Variants in GMPR2 observed in about 807,000 individuals in gnomAD.
GMPR2 encodes guanosine monophosphate reductase 2.
GMPR2 carries 32 observed loss-of-function variants against 38.5 expected under a neutral mutation model. The ratio of observed to expected loss-of-function variants is 0.83; its 90% CI spans 0.63 to 1.12. The LOEUF (loss-of-function observed/expected upper bound fraction) is 1.12. Ranked by LOEUF, GMPR2 falls within the 50% of genes most tolerant of loss-of-function variation. GMPR2 has a pLI of 0.00. For synonymous variants in GMPR2, 154 were observed against 151.0 expected (o/e 1.02, Z -0.15); for missense variants, 396 against 432.1 (o/e 0.92, Z 0.74).
Position 24,236,119 on chromosome 14 carries a change from C to G in GMPR2, c.444C>G (p.Arg148=). The change falls in exon 5 of 10, where the codon CGC becomes CGG. Residue 148 remains arginine, a synonymous_variant. Coordinates refer to ENST00000399440, the MANE Select transcript of GMPR2 (RefSeq NM_001002002.3). ...FVEFVKDVRK[R]FPQHTIMAGN... ...AATTTGTAAAAGATGTACGGAAGCG[C>G]TTCCCCCAGCACACCATCATGGTAT... is the stretch of plus-strand genomic sequence containing the variant. 1 of 1,613,998 alleles carries G rather than the reference C, an allele frequency of 6.2e-7. No homozygotes were observed. Among genetic ancestry groups the G allele is most frequent in the Non-Finnish European group, 8.5e-7 (1 of 1,179,866 alleles).
intron 2 of GMPR2, 69 bp from the exon 3 acceptor site, chr14:24,233,410 C>G: frequency 6.2e-7 from 1 of 1,608,762 alleles, no homozygotes; most frequent in Non-Finnish European, 8.5e-7. Context: ...AGAAAGATGC[C>G]TGTCCTTGTC....
chr14:24,234,567 A>C (rs532364500), intron 3 of GMPR2, among the ~76,000 whole-genome samples: 10 of 152,208 alleles, frequency 6.6e-5, no homozygotes, highest in Non-Finnish European at 1.3e-4. Flanking sequence ...GCTGTAATAC[A>C]TGAACCTTTT....
intron 8 of GMPR2, 80 bp downstream of exon 8, chr14:24,237,642 G>C: frequency 1.6e-6 from 2 of 1,244,660 alleles, no homozygotes; most frequent in Non-Finnish European, 2.4e-6. Context: ...CAGGCTAAGA[G>C]AGGCTCAGGA....
chr14:24,238,243 C>T lies in GMPR2; in HGVS notation c.698-3C>T. ...CTCTTTCCCCCCTCCATGATGGTGGCAGGGGCAGGAGCTGACTTCGTGATG... is the reference window on the plus strand; with the variant it reads ...CTCTTTCCCCCCTCCATGATGGTGGTAGGGGCAGGAGCTGACTTCGTGATG... On this transcript the variant is annotated splice_polypyrimidine_tract_variant and splice_region_variant and intron_variant, in intron 8 of 9. Coordinates refer to ENST00000399440, the MANE Select transcript of GMPR2 (RefSeq NM_001002002.3). The T allele has an allele frequency of 6.2e-7, 1 of 1,605,624 alleles. No individual in the cohort carries two copies. Among genetic ancestry groups the T allele is most frequent in the South Asian group, 1.1e-5 (1 of 90,006 alleles).
chr14:24,236,655 A>G (rs2040358637), intron 5 of GMPR2, among the ~76,000 whole-genome samples: 1 of 152,200 alleles, frequency 6.6e-6, no homozygotes, highest in South Asian at 2.1e-4. Context: ...GCTTAAGGAC[A>G]GAATATGTTT....
chr14:24,235,858 G>A, intron 4 of GMPR2, 38 bp downstream of exon 4: 1 of 1,593,848 alleles, frequency 6.3e-7, no homozygotes, highest in Non-Finnish European at 8.6e-7. Context: ...CCTTATCCCA[G>A]TTTTCCAGCA....
chr14:24,236,841 T>C (rs754682207), intron 5 of GMPR2: 20 of 484,510 alleles, frequency 4.1e-5, no homozygotes, highest in Non-Finnish European at 6.7e-5. Context: ...CTAGGTTCAG[T>C]GGTGACATTG....
chr14:24,235,719 T>A lies in GMPR2; in HGVS notation c.208-18T>A. ...ATAAAGTTTTCTCCCTTTTGATGCTTCTTTGTCTTCTCCCCAGTTCTCTCT... is the reference window on the plus strand; with the variant it reads ...ATAAAGTTTTCTCCCTTTTGATGCTACTTTGTCTTCTCCCCAGTTCTCTCT... On this transcript the variant is annotated intron_variant, in intron 3 of 9. Transcript: ENST00000399440. 1 of 1,565,908 alleles carries A rather than the reference T, an allele frequency of 6.4e-7. No homozygotes were observed. The highest frequency in any genetic ancestry group is 8.8e-7 in the Non-Finnish European group (1 of 1,136,134).
chr14:24,237,612 C>G, intron 8 of GMPR2, 50 bp downstream of exon 8: 4 of 1,489,420 alleles, frequency 2.7e-6, no homozygotes, highest in Non-Finnish European at 3.8e-6. Flanking sequence ...GAGGATGAAT[C>G]ACCTCTGAGG....
intron 8 of GMPR2, 135 bp downstream of exon 8, chr14:24,237,697 C>A: frequency 4.9e-6 from 4 of 820,992 alleles, no homozygotes; most frequent in South Asian, 4.7e-5. Flanking sequence ...ACTCCGAAGT[C>A]TATGGTATCA....
At chr14:24,233,675 C>A (rs1057423416) in intron 3 of GMPR2, 77 bp downstream of exon 3, 2 of 1,488,192 alleles carry the variant, frequency 1.3e-6, no homozygotes, top group African/African-American at 2.8e-5. Flanking sequence ...GCATCCCCAC[C>A]CCCATGCCCA....
intron 4 of GMPR2, 65 bp from the exon 5 acceptor site, chr14:24,235,902 C>A: frequency 1.9e-6 from 3 of 1,583,782 alleles, no homozygotes; most frequent in Non-Finnish European, 2.6e-6. Flanking sequence ...CCAGCACTCA[C>A]CAATGACCCA....
chr14:24,236,913 G>A, intron 5 of GMPR2, 158 bp from the exon 6 acceptor site: 1 of 605,976 alleles, frequency 1.7e-6, no homozygotes, highest in Non-Finnish European at 2.9e-6. Flanking sequence ...GTTCTCTAAA[G>A]TGGCTAGTGT....
intron 1 of GMPR2, 82 bp from the exon 2 acceptor site, chr14:24,233,137 C>G (rs2040136184): frequency 6.3e-7 from 1 of 1,596,702 alleles, no homozygotes; most frequent in African/African-American, 1.3e-5. Flanking sequence ...CCTTCCACAA[C>G]TTAAGCGAAG....
rs763168937 is a variant in GMPR2 at position 24,237,277 on chromosome 14, G to A, written c.580G>A (p.Val194Met). The change falls in exon 7 of 10, where the codon GTG becomes ATG. Residue 194 changes from valine (V) to methionine (M), a missense_variant. By Grantham distance (21) the Val-to-Met change is conservative. Transcript: ENST00000399440. Reference protein sequence around the residue: ...SVCTTRKKTGVGYPQLSAVME... With the variant: ...SVCTTRKKTGMGYPQLSAVME... ...GTGTACTACTCGGAAGAAAACTGGA[G>A]TGGGGTATCCACAGCTCAGCGCAGT... 9.9e-6 allele frequency: 16 copies of A among 1,612,048 alleles called. No homozygotes were observed. Among genetic ancestry groups the A allele is most frequent in the Admixed American group, 1.7e-5 (1 of 60,002 alleles).
At chr14:24,235,373 C>T (rs1451529155) in intron 3 of GMPR2, 4 of 286,620 alleles carry the variant, frequency 1.4e-5, no homozygotes, top group Non-Finnish European at 2.6e-5. Context: ...TGAGTCAGTG[C>T]AGAGAAACAC....
intron 3 of GMPR2, among the ~76,000 whole-genome samples, chr14:24,234,840 G>A (rs1203368220): frequency 6.6e-6 from 1 of 152,222 alleles, no homozygotes. Flanking sequence ...GAGTTGTTGA[G>A]AAAGCAGAAT....
At chr14:24,237,617 C>CT in intron 8 of GMPR2, 55 bp downstream of exon 8, 1 of 1,470,240 alleles carries the variant, frequency 6.8e-7, no homozygotes, top group East Asian at 2.3e-5. Context: ...TGAATCACCT[C>CT]TGAGGGTCTA....
chr14:24,235,952 C>G lies in GMPR2; in HGVS notation c.292-15C>G, dbSNP rs1566680701. On this transcript the variant is annotated splice_polypyrimidine_tract_variant and intron_variant, in intron 4 of 9. Coordinates refer to ENST00000399440, the MANE Select transcript of GMPR2 (RefSeq NM_001002002.3). ...GATCATCTCTGATATGCCAATGACT[C>G]TGTTTCTCCCACAGCATCTGGCTGC... 6.2e-7 allele frequency: 1 copy of G among 1,613,338 alleles called. No homozygotes were observed. The highest frequency in any genetic ancestry group is 8.5e-7 in the Non-Finnish European group (1 of 1,179,356).
Sources: gnomAD v4.1 joint callset for allele counts (sites outside exome capture counted in the v4.1 genomes callset) on GRCh38, gnomAD v4.1.1 for gene constraint, MANE v1.5 for transcripts, NCBI Gene and HGNC (gene_info 2026-07-23, HGNC 2026-07-21) for gene names.